Variants in SP140 observed in about 807,000 individuals in gnomAD.
SP140 encodes nuclear body protein SP140.
Under a neutral mutation model 125.0 loss-of-function variants are expected in SP140, and 81 were observed. The ratio of observed to expected loss-of-function variants is 0.65; its 90% confidence interval spans 0.54 to 0.78. The LOEUF is 0.78. Among genes scored for constraint, SP140 ranks in the 30% least tolerant of loss-of-function variants. The probability of loss-of-function intolerance (pLI) is 0.00; values close to 1 mark genes in which losing one functional copy is unlikely to be tolerated. For missense variants in SP140, 858 were observed against 1,037.0 expected (o/e 0.83, Z 2.37); for synonymous variants, 312 against 354.0 (o/e 0.88, Z 1.33).
At chr2:230,248,823 A>G (rs892028656) in intron 8 of SP140, 62 bp from the exon 9 acceptor site, 133 of 1,364,962 alleles carry the variant, frequency 9.7e-5, no homozygotes, top group Middle Eastern at 2.1e-4. Context: ...GATGGCATGA[A>G]CACACTGAGG....
chr2:230,201,490 T>A (rs560366383), upstream of SP140, among the ~76,000 whole-genome samples: 7 of 152,166 alleles, frequency 4.6e-5, no homozygotes, highest in East Asian at 1.2e-3. Context: ...CCAAAAAAAA[T>A]AAAAATAAAA....
intron 4 of SP140, among the ~76,000 whole-genome samples, chr2:230,241,803 A>C (rs1047076848): frequency 3.9e-5 from 6 of 152,184 alleles, no homozygotes; most frequent in Non-Finnish European, 7.3e-5. Flanking sequence ...TAAAAGTCCT[A>C]CCCTCCGAGG....
chr2:230,199,154 T>TATTA (rs1559160092), upstream of SP140, among the ~76,000 whole-genome samples: 4 of 111,616 alleles, frequency 3.6e-5, no homozygotes, highest in Non-Finnish European at 7.0e-5. Context: ...TATTATTTTT[T>TATTA]TTTTTTTTTA....
chr2:230,284,354 AG>A lies in SP140; in HGVS notation c.1512del (p.His505MetfsTer6). Reference protein sequence around the residue: ...GKPKRKRRKKRGHGWSRMRMR... With the variant: ...GKPKRKRRKKXGHGWSRMRMR... ...TTCTCTTTGGTTTGAAGGAAAAAAG[AG>A]GGGGCATGGCTGGAGCAGAATGAGA... On this transcript the variant is annotated frameshift_variant, in exon 16 of 27. Coordinates refer to ENST00000392045, the MANE Select transcript of SP140 (RefSeq NM_007237.5). LOFTEE classifies it high-confidence loss of function. The A allele has an allele frequency of 6.2e-7, 1 of 1,605,296 alleles. No homozygotes were observed. The highest frequency in any genetic ancestry group is 2.2e-5 in the East Asian group (1 of 44,614).
chr2:230,238,680 A>G (rs1455809874), intron 3 of SP140: 9 of 1,113,282 alleles, frequency 8.1e-6, no homozygotes, highest in African/African-American at 1.6e-5. Flanking sequence ...TACATGAGTG[A>G]TGTCTTTTCA....
At chr2:230,249,187 A>G (rs1027135186) in intron 9 of SP140, among the ~76,000 whole-genome samples, 1 of 152,152 alleles carries the variant, frequency 6.6e-6, no homozygotes, top group Non-Finnish European at 1.5e-5. Flanking sequence ...ATATTTCTGC[A>G]TGGGGAATGT....
intron 1 of SP140, among the ~76,000 whole-genome samples, chr2:230,233,534 T>C (rs1171123318): frequency 6.6e-6 from 1 of 152,182 alleles, no homozygotes; most frequent in Non-Finnish European, 1.5e-5. Context: ...TTTTAAAAAT[T>C]ATCGAGAACC....
intron 15 of SP140, 107 bp downstream of exon 15, chr2:230,270,746 G>A: frequency 1.8e-6 from 2 of 1,092,884 alleles, no homozygotes; most frequent in South Asian, 2.6e-5. Flanking sequence ...TTGTAATACT[G>A]TGGTAGACAG....
At chr2:230,225,064 C>G (rs779647201), upstream of SP140, among the ~76,000 whole-genome samples, 1 of 152,164 alleles carries the variant, frequency 6.6e-6, no homozygotes, top group Non-Finnish European at 1.5e-5. Context: ...CCTTGAAGGT[C>G]TAGATAATCT....
At chr2:230,294,551 G>A (rs1334048872) in intron 21 of SP140, among the ~76,000 whole-genome samples, 1 of 152,162 alleles carries the variant, frequency 6.6e-6, no homozygotes, top group Non-Finnish European at 1.5e-5. Flanking sequence ...AGATGATAAG[G>A]AGCCATCAGA....
chr2:230,206,001 A>ACTTTCT (rs1404913395), intron 1 of SP140, among the ~76,000 whole-genome samples: 2 of 152,140 alleles, frequency 1.3e-5, no homozygotes, highest in Non-Finnish European at 2.9e-5. Context: ...AATGGGGGAG[A>ACTTTCT]AAGCAGCTTG....
rs1400492184 is a variant in SP140 at position 230,293,107 on chromosome 2, C to T, written c.1968+319C>T. Among the ~76,000 whole-genome samples, 4 of 152,108 alleles carry T rather than the reference C, an allele frequency of 2.6e-5. No individual in the cohort carries two copies. In the South Asian group the frequency reaches 6.2e-4, roughly 24 times the overall value. Reference sequence around the variant, plus strand: ...AGTCAAGCAGTGGAAGAAGACACTTCAGAGAAAGAATGGCATAAAAGCCAG... The same window carrying T: ...AGTCAAGCAGTGGAAGAAGACACTTTAGAGAAAGAATGGCATAAAAGCCAG... On this transcript the variant is annotated intron_variant, in intron 20 of 26. Coordinates refer to ENST00000392045, the MANE Select transcript of SP140 (RefSeq NM_007237.5).
At chr2:230,239,144 A>G in intron 3 of SP140, 1 of 914,550 alleles carries the variant, frequency 1.1e-6, no homozygotes, top group Non-Finnish European at 1.5e-6. Flanking sequence ...GATTCAAAAA[A>G]GAGGTATCTT....
the SP140 span, among the ~76,000 whole-genome samples, chr2:230,188,972 A>C: frequency 1.3e-5 from 2 of 151,726 alleles, no homozygotes; most frequent in African/African-American, 4.8e-5. Flanking sequence ...TTTCCTCTAG[A>C]TTTTTCTAGT....
At chr2:230,257,249 T>C (rs1575057177) in intron 12 of SP140, among the ~76,000 whole-genome samples, 1 of 149,394 alleles carries the variant, frequency 6.7e-6, no homozygotes, top group Admixed American at 6.7e-5. Flanking sequence ...TTATCAAGAG[T>C]TGGAAAATAC....
At chr2:230,290,108 C>T (rs1308555401) in intron 18 of SP140, among the ~76,000 whole-genome samples, 1 of 152,148 alleles carries the variant, frequency 6.6e-6, no homozygotes, top group Non-Finnish European at 1.5e-5. Flanking sequence ...TACCCACCTG[C>T]AGCAAAACAG....
At chr2:230,212,711 G>T in intron 1 of SP140, 1 of 1,609,124 alleles carries the variant, frequency 6.2e-7, no homozygotes, top group South Asian at 1.1e-5. Flanking sequence ...ACATGGCACA[G>T]GCACCTTAGG....
At chr2:230,209,986 T>C in intron 1 of SP140, 1 of 1,604,772 alleles carries the variant, frequency 6.2e-7, no homozygotes, top group Non-Finnish European at 8.5e-7. Context: ...GGTCATTTGG[T>C]TCTGGAGAAT....
At chr2:230,272,907 C>G (rs764331749) in intron 15 of SP140, among the ~76,000 whole-genome samples, 2 of 152,126 alleles carry the variant, frequency 1.3e-5, no homozygotes, top group African/African-American at 2.4e-5. Context: ...AAAATTGAAA[C>G]TGGACCCCTT....
Sources: gnomAD v4.1 joint callset for allele counts (sites outside exome capture counted in the v4.1 genomes callset) on GRCh38, gnomAD v4.1.1 for gene constraint, MANE v1.5 for transcripts, NCBI Gene and HGNC (gene_info 2026-07-23, HGNC 2026-07-21) for gene names.